The following FKBP7 variants were observed in gnomAD, a reference collection of about 807,000 sequenced individuals.
FKBP7 encodes the protein peptidyl-prolyl cis-trans isomerase FKBP7.
A neutral mutation model predicts 24.3 loss-of-function variants in FKBP7; 24 were observed. That is an observed-to-expected ratio of 0.99 (90% CI 0.72 to 1.39). FKBP7 has a LOEUF of 1.39. FKBP7 is among the 40% of genes most tolerant of loss of function. FKBP7 has a pLI of 0.00. For synonymous variants in FKBP7, 98 were observed against 92.8 expected (o/e 1.06, Z -0.32); for missense variants, 257 against 269.5 (o/e 0.95, Z 0.33).
At chr2:178,466,707 T>C (rs995114614) in intron 3 of FKBP7, among the ~76,000 whole-genome samples, 2 of 152,198 alleles carry the variant, frequency 1.3e-5, no homozygotes, top group African/African-American at 4.8e-5. Flanking sequence ...GATATAACAT[T>C]AAAATTAATT....
At chr2:178,470,355 A>G (rs1684816224) in intron 2 of FKBP7, among the ~76,000 whole-genome samples, 1 of 152,236 alleles carries the variant, frequency 6.6e-6, no homozygotes, top group Non-Finnish European at 1.5e-5. Context: ...GGTTATGTGC[A>G]AATGTGATGC....
At position 178,478,188 on chromosome 2, in the gene FKBP7, C is replaced by CCCAA. The variant is rs145476601; in HGVS notation, c.221+87_221+90dup. On this transcript the variant is annotated intron_variant, in intron 1 of 3. Transcript: ENST00000424785. ...AACTTTTACCGTTAAAAAATAAAACCCCAACCAACCAACCAATGAGGCTTC... is the reference window on the plus strand; with the variant it reads ...AACTTTTACCGTTAAAAAATAAAACCCCAACCAACCAACCAACCAATGAGGCTTC... 2,941 of 1,463,554 alleles carry CCCAA rather than the reference C, an allele frequency of 2.0e-3. 57 individuals are homozygous for CCCAA. In the African/African-American group the frequency reaches 0.038, roughly 19 times the overall value. The allele number at this position is 1,463,554 out of a possible 1,614,324, so 90.7% of individuals were successfully genotyped here.
At position 178,478,556 on chromosome 2, in the gene FKBP7, C is replaced by T; in HGVS notation, c.-57G>A. The T allele has an allele frequency of 1.2e-6, 2 of 1,602,312 alleles. No homozygotes were observed. Among genetic ancestry groups the T allele is most frequent in the South Asian group, 1.1e-5 (1 of 89,824 alleles). ...CGTGTCACTCGCGCCCCGTGGATGTCCCGCGGCCGAGTTCCGACGCGTGGC... is the reference window on the plus strand; with the variant it reads ...CGTGTCACTCGCGCCCCGTGGATGTTCCGCGGCCGAGTTCCGACGCGTGGC... On this transcript the variant is annotated 5_prime_UTR_variant, in exon 1 of 4. Transcript: ENST00000424785.
At chr2:178,475,186 T>C (rs1559378787) in intron 2 of FKBP7, among the ~76,000 whole-genome samples, 1 of 152,156 alleles carries the variant, frequency 6.6e-6, no homozygotes, top group Admixed American at 6.5e-5. Flanking sequence ...TATACCTTTG[T>C]GCACATTCCT....
In FKBP7 at chr2:178,478,374, A is replaced by G; in HGVS notation, c.126T>C (p.Arg42=). Residue 42 remains arginine (R), a synonymous_variant, in exon 1 of 4, where the codon CGT becomes CGC. Coordinates refer to ENST00000424785, the MANE Select transcript of FKBP7 (RefSeq NM_181342.3). ...TGCTTGTCTTAGAGCAGTTTTCTGG[A>G]CGATGCAAAACTTCTATTTTCACTT... The part of the protein sequence containing the change: ...TEEVKIEVLH[R]PENCSKTSKK... 1 of 1,614,214 alleles carries G rather than the reference A, an allele frequency of 6.2e-7. No homozygotes were observed. Among genetic ancestry groups the G allele is most frequent in the Non-Finnish European group, 8.5e-7 (1 of 1,180,038 alleles).
At position 178,463,858 on chromosome 2, in the gene FKBP7, A is replaced by G. The variant is rs938409467; in HGVS notation, c.*1912T>C. 6.6e-6 allele frequency: 1 copy of G among 152,216 alleles called. No individual in the cohort carries two copies. The highest frequency in any genetic ancestry group is 2.4e-5 in the African/African-American group (1 of 41,460). 9.4% of individuals were successfully genotyped at this position (152,216 alleles called of 1,614,324 possible). On this transcript the variant is annotated 3_prime_UTR_variant, in exon 4 of 4. Coordinates refer to ENST00000424785, the MANE Select transcript of FKBP7 (RefSeq NM_181342.3). ...GGTGACTTCTTAATATGGATACAAA[A>G]AATTGAGACAGGTTCCAAACCAAAA...
rs553608533 is a variant in FKBP7, at chr2:178,478,575, G to A, written c.-76C>T. The A allele has an allele frequency of 1.9e-6, 3 of 1,584,278 alleles. No homozygotes were observed. The East Asian group carries it at 6.7e-5, about 35-fold the overall frequency. On this transcript the variant is annotated 5_prime_UTR_variant, in exon 1 of 4. Coordinates refer to ENST00000424785, the MANE Select transcript of FKBP7 (RefSeq NM_181342.3). ...GGATGTCCCGCGGCCGAGTTCCGAC[G>A]CGTGGCAGGCGTTGTCCTGCGTCAC...
chr2:178,478,230 G>A, intron 1 of FKBP7, 49 bp downstream of exon 1: 1 of 1,606,030 alleles, frequency 6.2e-7, no homozygotes, highest in Non-Finnish European at 8.5e-7. Flanking sequence ...GTGGAGGCAG[G>A]CAAGATTTTG....
intron 2 of FKBP7, chr2:178,473,193 A>G (rs1684904108): frequency 1.3e-6 from 1 of 756,590 alleles, no homozygotes; most frequent in Admixed American, 2.4e-5. Flanking sequence ...CTTACTTTTA[A>G]ATGCTTATTT....
chr2:178,468,859 C>G (rs1684760565), intron 3 of FKBP7, among the ~76,000 whole-genome samples: 1 of 151,520 alleles, frequency 6.6e-6, no homozygotes, highest in African/African-American at 2.4e-5. Flanking sequence ...TAAATGTTAT[C>G]TATTATTATC....
rs1442408084 is a variant in FKBP7 at position 178,478,300 on chromosome 2, T to C, written c.200A>G (p.Asp67Gly). The change falls in exon 1 of 4, where the codon GAC (aspartate) becomes GGC (glycine). Residue 67 changes from aspartate to glycine, a missense_variant. Coordinates refer to ENST00000424785, the MANE Select transcript of FKBP7 (RefSeq NM_181342.3). ...CTACCTGCAGTAGAATTTCGAGCCG[T>C]CTTTAGCCAGGTAGCCGTCATAATG... ...NAHYDGYLAK[D>G]GSKFYCSRTQ... The C allele has an allele frequency of 6.2e-7, 1 of 1,614,012 alleles. No individual in the cohort carries two copies. Among genetic ancestry groups the C allele is most frequent in the Non-Finnish European group, 8.5e-7 (1 of 1,180,028 alleles).
chr2:178,473,236 A>C, intron 2 of FKBP7: 1 of 471,988 alleles, frequency 2.1e-6, no homozygotes, highest in African/African-American at 2.0e-5. Flanking sequence ...CAGTTACTTA[A>C]GGTCTACACT....
Position 178,463,766 on chromosome 2 carries a change from A to G in FKBP7, c.*2004T>C, listed in dbSNP as rs1684583914. On this transcript the variant is annotated 3_prime_UTR_variant, in exon 4 of 4. Transcript: ENST00000424785. ...TGGCATTATCTGTCATTTTTTAAAA[A>G]CAAGTTTAAAAGCACTTTGTATGAT... 1 of 152,184 alleles carries G rather than the reference A, an allele frequency of 6.6e-6. No homozygotes were observed. Among genetic ancestry groups the G allele is most frequent in the Non-Finnish European group, 1.5e-5 (1 of 68,032 alleles). The allele number at this position is 152,184 out of a possible 1,614,324, so 9.4% of individuals were successfully genotyped here. A position where few individuals can be genotyped will look rare whatever the true frequency, so the allele number is the denominator to read the frequency against.
At chr2:178,472,263 C>T (rs942231431) in intron 2 of FKBP7, among the ~76,000 whole-genome samples, 8 of 151,526 alleles carry the variant, frequency 5.3e-5, no homozygotes, top group African/African-American at 1.5e-4. Context: ...TTAGTAGATA[C>T]GGGGTTTCAC....
At chr2:178,474,806 G>A (rs550861916) in intron 2 of FKBP7, among the ~76,000 whole-genome samples, 2 of 152,222 alleles carry the variant, frequency 1.3e-5, no homozygotes, top group African/African-American at 4.8e-5. Context: ...TCCCATCTCA[G>A]CCCCCTGAGT....
At chr2:178,473,965 A>T (rs771602739) in intron 2 of FKBP7, among the ~76,000 whole-genome samples, 1 of 152,168 alleles carries the variant, frequency 6.6e-6, no homozygotes, top group Non-Finnish European at 1.5e-5. Flanking sequence ...AGTTATCTGG[A>T]AATTGTCTCT....
At position 178,464,989 on chromosome 2, in the gene FKBP7, C is replaced by G. The variant is rs1684614022; in HGVS notation, c.*781G>C. 1 of 152,164 alleles carries G rather than the reference C, an allele frequency of 6.6e-6. No individual in the cohort carries two copies. The highest frequency in any genetic ancestry group is 2.4e-5 in the African/African-American group (1 of 41,436). 9.4% of individuals were successfully genotyped at this position (152,164 alleles called of 1,614,324 possible). A position where few individuals can be genotyped will look rare whatever the true frequency, so the allele number is the denominator to read the frequency against. ...GAAATTTCATGGCATCAATTTAAAA[C>G]TATCAAGACAAAAGCTTGGGGTGGC... On this transcript the variant is annotated 3_prime_UTR_variant, in exon 4 of 4. Coordinates refer to ENST00000424785, the MANE Select transcript of FKBP7 (RefSeq NM_181342.3).
Position 178,469,763 on chromosome 2 carries a change from A to G in FKBP7, c.396T>C (p.Asp132=). The G allele has an allele frequency of 6.2e-7, 1 of 1,613,690 alleles. No individual in the cohort carries two copies. Among genetic ancestry groups the G allele is most frequent in the African/African-American group, 1.3e-5 (1 of 75,044 alleles). Residue 132 remains aspartate, a synonymous_variant, in exon 3 of 4, where the codon GAT becomes GAC. Transcript: ENST00000424785. ...GTTCAATCTCAAAAATCAATGTAGC[A>G]TCCGGTGGAATCTTGCCTTCTGCTA... ...EGYAEGKIPP[D]ATLIFEIELY...
At chr2:178,476,098 G>A (rs1684990043) in intron 2 of FKBP7, among the ~76,000 whole-genome samples, 1 of 152,108 alleles carries the variant, frequency 6.6e-6, no homozygotes, top group African/African-American at 2.4e-5. Context: ...AAATATTTAT[G>A]TAATAATAAC....
Sources: allele counts gnomAD v4.1 joint callset (sites outside exome capture counted in the v4.1 genomes callset), GRCh38; gene constraint gnomAD v4.1.1; transcripts MANE v1.5; gene names NCBI Gene and HGNC (gene_info 2026-07-23, HGNC 2026-07-21).